NANOG: variants seen among roughly 807,000 people sequenced by gnomAD.
The protein encoded by NANOG is homeobox protein NANOG.
A neutral mutation model predicts 17.7 loss-of-function variants in NANOG; 2 were observed. The ratio of observed to expected loss-of-function variants is 0.11; its 90% CI spans 0.05 to 0.36. The LOEUF is 0.36. NANOG is among the 10% of genes least tolerant of loss of function. The pLI is 1.00. For synonymous variants in NANOG, 81 were observed against 124.7 expected (o/e 0.65, Z 2.33); for missense variants, 174 against 362.1 (o/e 0.48, Z 4.22).
chr12:7,791,684 T>C (rs1266682326), intron 1 of NANOG, among the ~76,000 whole-genome samples: 3 of 152,174 alleles, frequency 2.0e-5, no homozygotes, highest in Non-Finnish European at 2.9e-5. Context: ...AAGTGATGAC[T>C]AAATCTAGAT....
intron 1 of NANOG, among the ~76,000 whole-genome samples, chr12:7,791,108 T>C (rs1195181345): frequency 8.4e-6 from 1 of 119,512 alleles, no homozygotes; most frequent in Non-Finnish European, 1.6e-5. Context: ...TTTCTTTCTT[T>C]CTTTCTTTTT....
At chr12:7,790,441 A>G (rs11055770) in intron 1 of NANOG, among the ~76,000 whole-genome samples, 75,410 of 151,942 alleles carry the variant, frequency 0.5, 20,221 homozygotes, top group Non-Finnish European at 0.59. Context: ...GAATGTAGCT[A>G]GAAGTCCAGT....
intron 2 of NANOG, among the ~76,000 whole-genome samples, chr12:7,793,561 C>A (rs1862874412): frequency 6.6e-6 from 1 of 151,992 alleles, no homozygotes; most frequent in South Asian, 2.1e-4. Context: ...CTTTTTTTTT[C>A]CTTTTTTTCT....
At chr12:7,793,334 A>C in intron 2 of NANOG, 122 bp downstream of exon 2, 1 of 805,306 alleles carries the variant, frequency 1.2e-6, no homozygotes, top group Non-Finnish European at 2.0e-6. Flanking sequence ...CTTGCAAATA[A>C]TTTATGAAGA....
At position 7,794,919 on chromosome 12, in the gene NANOG, C is replaced by G; in HGVS notation, c.742C>G (p.Leu248Val). 1 of 1,353,886 alleles carries G rather than the reference C, an allele frequency of 7.4e-7. No homozygotes were observed. The highest frequency in any genetic ancestry group is 1.0e-6 in the Non-Finnish European group (1 of 952,452). The allele number at this position is 1,353,886 out of a possible 1,614,324, so 83.9% of individuals were successfully genotyped here. Residue 248 changes from leucine to valine, a missense_variant, in exon 4 of 4, where the codon CTG becomes GTG. Leu to Val is a conservative substitution (Grantham distance 32). Transcript: ENST00000229307. ...CTTCTATAACTGTGGAGAGGAATCT[C>G]TGCAGTCCTGCATGCAGTTCCAGCC... ...SPFYNCGEES[L>V]QSCMQFQPNS...
In NANOG at chr12:7,799,125, T is replaced by G. The variant is rs1785471728; in HGVS notation, c.*4030T>G. On this transcript the variant is annotated 3_prime_UTR_variant, in exon 4 of 4. Transcript: ENST00000229307. ...TGGTGTAAACTCTGTGGTCCTTGAATAAAGTGTGCTTGAGAATTTTAGAAG... is the reference window on the plus strand; with the variant it reads ...TGGTGTAAACTCTGTGGTCCTTGAAGAAAGTGTGCTTGAGAATTTTAGAAG... 6.6e-6 allele frequency: 1 copy of G among 152,128 alleles called. No individual in the cohort carries two copies. The highest frequency in any genetic ancestry group is 6.6e-5 in the Admixed American group (1 of 15,258). 9.4% of individuals were successfully genotyped at this position (152,128 alleles called of 1,614,324 possible).
intron 2 of NANOG, among the ~76,000 whole-genome samples, chr12:7,793,553 T>A (rs58076472): frequency 0.49 from 75,034 of 151,774 alleles, 20,064 homozygotes; most frequent in Non-Finnish European, 0.59. Context: ...AATAAAAACT[T>A]TTTTTTTCCT....
At position 7,793,104 on chromosome 12, in the gene NANOG, C is replaced by T; in HGVS notation, c.306C>T (p.Phe102=). Residue 102 remains phenylalanine, a synonymous_variant, in exon 2 of 4, where the codon TTC becomes TTT. Coordinates refer to ENST00000229307, the MANE Select transcript of NANOG (RefSeq NM_024865.4). ...PVKKQKTRTV[F]SSTQLCVLND... Reference sequence around the variant, plus strand: ...AGAAACAGAAGACCAGAACTGTGTTCTCTTCCACCCAGCTGTGTGTACTCA... The same window carrying T: ...AGAAACAGAAGACCAGAACTGTGTTTTCTTCCACCCAGCTGTGTGTACTCA... 6.2e-7 allele frequency: 1 copy of T among 1,608,570 alleles called. No individual in the cohort carries two copies. The highest frequency in any genetic ancestry group is 8.5e-7 in the Non-Finnish European group (1 of 1,174,842).
At chr12:7,792,571 GGA>G (rs1862855779) in intron 1 of NANOG, among the ~76,000 whole-genome samples, 1 of 152,178 alleles carries the variant, frequency 6.6e-6, no homozygotes, top group African/African-American at 2.4e-5. Flanking sequence ...GGCTGAGGCA[GGA>G]GAATCGCTTG....
At position 7,795,172 on chromosome 12, in the gene NANOG, CAT is replaced by C. The variant is rs1411984817; in HGVS notation, c.*79_*80del. On this transcript the variant is annotated 3_prime_UTR_variant, in exon 4 of 4. Coordinates refer to ENST00000229307, the MANE Select transcript of NANOG (RefSeq NM_024865.4). ...CTTCCTCTCCCCTCCTCCCATCCCT[CAT>C]AGGATTTTTCTTGTTTGGAAACCAC... The C allele has an allele frequency of 1.7e-5, 26 of 1,572,020 alleles. No individual in the cohort carries two copies. The Middle Eastern group carries it at 6.8e-4, about 41-fold the overall frequency.
At chr12:7,794,648 C>A in intron 3 of NANOG, 31 bp from the exon 4 acceptor site, 1 of 1,611,000 alleles carries the variant, frequency 6.2e-7, no homozygotes, top group Non-Finnish European at 8.5e-7. Flanking sequence ...TGTCCTTGTA[C>A]CCTTTCTGTT....
At chr12:7,793,679 T>A (rs1281532487) in intron 2 of NANOG, among the ~76,000 whole-genome samples, 1 of 152,224 alleles carries the variant, frequency 6.6e-6, no homozygotes, top group African/African-American at 2.4e-5. Context: ...TGGCTTATCC[T>A]CTTCTAGGCT....
chr12:7,789,848 C>A, intron 1 of NANOG, 83 bp downstream of exon 1: 1 of 1,379,052 alleles, frequency 7.3e-7, no homozygotes, highest in Non-Finnish European at 1.0e-6. Context: ...TCATTTCCCT[C>A]TTGAGCAATG....
In NANOG at chr12:7,797,346, G is replaced by A. The variant is rs1292867958; in HGVS notation, c.*2251G>A. The A allele has an allele frequency of 5.8e-5, 8 of 138,330 alleles. No homozygotes were observed. In the East Asian group the frequency reaches 1.5e-3, roughly 26 times the overall value. 8.6% of individuals were successfully genotyped at this position (138,330 alleles called of 1,614,324 possible). A position where few individuals can be genotyped will look rare whatever the true frequency, so the allele number is the denominator to read the frequency against. ...GGTGGGATTATAGGTGTGAGCCACCGTGTCTGGGCAATTTTTTTTTTTTTT... is the reference window on the plus strand; with the variant it reads ...GGTGGGATTATAGGTGTGAGCCACCATGTCTGGGCAATTTTTTTTTTTTTT... On this transcript the variant is annotated 3_prime_UTR_variant, in exon 4 of 4. Coordinates refer to ENST00000229307, the MANE Select transcript of NANOG (RefSeq NM_024865.4).
intron 1 of NANOG, 86 bp downstream of exon 1, chr12:7,789,851 G>A (rs1370515512): frequency 2.3e-6 from 3 of 1,322,016 alleles, no homozygotes; most frequent in East Asian, 4.6e-5. Flanking sequence ...TTTCCCTCTT[G>A]AGCAATGATG....
chr12:7,790,363 T>C (rs779732065), intron 1 of NANOG, among the ~76,000 whole-genome samples: 21 of 152,316 alleles, frequency 1.4e-4, no homozygotes, highest in Admixed American at 4.6e-4. Context: ...TCCTAAGTCC[T>C]GGGAAGCGTT....
chr12:7,793,858 C>A (rs139895178), intron 2 of NANOG, among the ~76,000 whole-genome samples: 1 of 152,242 alleles, frequency 6.6e-6, no homozygotes, highest in African/African-American at 2.4e-5. Flanking sequence ...TCTCCTGCCT[C>A]AGCCTCCCAA....
rs766250001 is a variant in NANOG at position 7,794,532 on chromosome 12, G to C, written c.490G>C (p.Gly164Arg). 2.5e-6 allele frequency: 4 copies of C among 1,613,322 alleles called. No individual in the cohort carries two copies. Among genetic ancestry groups the C allele is most frequent in the Non-Finnish European group, 3.4e-6 (4 of 1,179,686 alleles). ...AAACAACTGGCCGAAGAATAGCAAT[G>C]GTGTGACGCAGGTAACAGGAAACTT... ...QKNNWPKNSN[G>R]VTQKASAPTY... The change falls in exon 3 of 4, where the codon GGT becomes CGT. Residue 164 changes from glycine to arginine, a missense_variant. This residue lies in a region of NANOG where 158 missense variants were observed against 244.2 expected (regional missense o/e 0.65). Coordinates refer to ENST00000229307, the MANE Select transcript of NANOG (RefSeq NM_024865.4).
rs1862887107 is a variant in NANOG at position 7,794,378 on chromosome 12, TAA to T, written c.415-76_415-75del. The T allele has an allele frequency of 3.0e-6, 4 of 1,334,562 alleles. No homozygotes were observed. In the East Asian group the frequency reaches 9.9e-5, roughly 33 times the overall value. The allele number at this position is 1,334,562 out of a possible 1,614,324, so 82.7% of individuals were successfully genotyped here. ...ATGAGATATGGCACCTGGCCAGGAA[TAA>T]AAGTTAGCAATATACTTTGATTCAA... On this transcript the variant is annotated intron_variant, in intron 2 of 3. Coordinates refer to ENST00000229307, the MANE Select transcript of NANOG (RefSeq NM_024865.4).
Sources: allele counts gnomAD v4.1 joint callset (sites outside exome capture counted in the v4.1 genomes callset), GRCh38; gene constraint gnomAD v4.1.1; regional missense constraint gnomAD v4.1.1; transcripts MANE v1.5; gene names NCBI Gene and HGNC (gene_info 2026-07-23, HGNC 2026-07-21).